Variants in SLC10A7 observed in about 807,000 individuals in gnomAD.
The protein encoded by SLC10A7 is solute carrier family 10 member 7.
In SLC10A7, 29 loss-of-function variants were observed where a neutral mutation model predicts 43.2. That is an observed-to-expected ratio of 0.67 (90% CI 0.50 to 0.92). The LOEUF (loss-of-function observed/expected upper bound fraction) is 0.92. Among genes scored for constraint, SLC10A7 ranks in the 40% least tolerant of loss-of-function variants. The pLI, the probability that SLC10A7 is intolerant of heterozygous loss-of-function variation, is 0.00. For synonymous variants in SLC10A7, 152 were observed against 144.8 expected (o/e 1.05, Z -0.35); for missense variants, 295 against 403.2 (o/e 0.73, Z 2.30).
intron 5 of SLC10A7, among the ~76,000 whole-genome samples, chr4:146,356,940 A>G (rs1735694950): frequency 6.6e-6 from 1 of 152,216 alleles, no homozygotes; most frequent in Non-Finnish European, 1.5e-5. Context: ...CTTTATTGAA[A>G]GTTTCCAAGG....
At chr4:146,518,663 G>A (rs985025109) in intron 1 of SLC10A7, among the ~76,000 whole-genome samples, 2 of 151,988 alleles carry the variant, frequency 1.3e-5, no homozygotes, top group Non-Finnish European at 2.9e-5. Flanking sequence ...TGGATTAGGA[G>A]GGACATTAAT....
At chr4:146,316,959 A>G (rs1180254542) in intron 6 of SLC10A7, among the ~76,000 whole-genome samples, 1 of 152,068 alleles carries the variant, frequency 6.6e-6, no homozygotes, top group Non-Finnish European at 1.5e-5. Flanking sequence ...AACTCATTTC[A>G]TCTTATCATA....
intron 4 of SLC10A7, among the ~76,000 whole-genome samples, chr4:146,461,823 C>CTTTT (rs10695588): frequency 7.3e-6 from 1 of 136,352 alleles, no homozygotes; most frequent in African/African-American, 2.7e-5. Flanking sequence ...AGTGACCAGG[C>CTTTT]TTTTTTTTTT....
At chr4:146,258,965 T>C (rs1728050878) in intron 10 of SLC10A7, 128 bp from the exon 11 acceptor site, 1 of 1,059,520 alleles carries the variant, frequency 9.4e-7, no homozygotes, top group East Asian at 2.8e-5. Flanking sequence ...TTCACAGAAC[T>C]GAAATGGGAA....
intron 5 of SLC10A7, among the ~76,000 whole-genome samples, chr4:146,379,963 G>C (rs200269343): frequency 2.2e-4 from 30 of 137,614 alleles, no homozygotes; most frequent in South Asian, 1.2e-3. Context: ...CTCTCTCTGT[G>C]TGTGTGTGTG....
At chr4:146,273,486 A>G (rs147816235) in intron 10 of SLC10A7, among the ~76,000 whole-genome samples, 1 of 152,270 alleles carries the variant, frequency 6.6e-6, no homozygotes, top group East Asian at 1.9e-4. Flanking sequence ...CATCTGACTC[A>G]AATGAGGTTA....
intron 4 of SLC10A7, among the ~76,000 whole-genome samples, chr4:146,478,882 T>C (rs1002893942): frequency 7.9e-5 from 12 of 152,052 alleles, no homozygotes; most frequent in Non-Finnish European, 1.0e-4. Flanking sequence ...ATATTCATAG[T>C]CACAATATCA....
chr4:146,414,403 G>A (rs141789829), intron 5 of SLC10A7, among the ~76,000 whole-genome samples: 4 of 152,050 alleles, frequency 2.6e-5, no homozygotes, highest in African/African-American at 9.7e-5. Flanking sequence ...TCCACCAGGG[G>A]CTAACATGAA....
intron 7 of SLC10A7, among the ~76,000 whole-genome samples, chr4:146,297,994 A>T (rs989912890): frequency 6.6e-6 from 1 of 152,184 alleles, no homozygotes; most frequent in Admixed American, 6.5e-5. Context: ...AATGTTGAAA[A>T]GCTAGGGAGG....
At chr4:146,274,393 A>G (rs960869457) in intron 10 of SLC10A7, among the ~76,000 whole-genome samples, 1 of 151,780 alleles carries the variant, frequency 6.6e-6, no homozygotes, top group African/African-American at 2.4e-5. Flanking sequence ...TAGTAGAGAC[A>G]GGGTTTCACC....
At chr4:146,304,759 A>G (rs928245588) in intron 7 of SLC10A7, among the ~76,000 whole-genome samples, 23 of 152,240 alleles carry the variant, frequency 1.5e-4, no homozygotes, top group African/African-American at 5.3e-4. Context: ...GTAGATGTCT[A>G]TGAGGTCCTC....
At chr4:146,391,853 C>A (rs1372420186) in intron 5 of SLC10A7, among the ~76,000 whole-genome samples, 6 of 152,202 alleles carry the variant, frequency 3.9e-5, no homozygotes, top group African/African-American at 7.2e-5. Context: ...AAATTATATT[C>A]ATACACATTA....
At chr4:146,411,993 T>C (rs989619660) in intron 5 of SLC10A7, among the ~76,000 whole-genome samples, 3 of 152,192 alleles carry the variant, frequency 2.0e-5, no homozygotes, top group Non-Finnish European at 2.9e-5. Flanking sequence ...TGAAACTTCA[T>C]ATGTGCAGAA....
chr4:146,458,752 C>A (rs1333051500), intron 4 of SLC10A7, among the ~76,000 whole-genome samples: 1 of 151,800 alleles, frequency 6.6e-6, no homozygotes, highest in Non-Finnish European at 1.5e-5. Context: ...GAGCTTCTAA[C>A]CACTTTTGAT....
intron 4 of SLC10A7, among the ~76,000 whole-genome samples, chr4:146,483,483 AT>A (rs1235919242): frequency 2.6e-5 from 4 of 152,122 alleles, no homozygotes; most frequent in African/African-American, 9.7e-5. Context: ...TATACAAACA[AT>A]AAAGTGAAAG....
At chr4:146,467,990 A>G (rs1733204363) in intron 4 of SLC10A7, among the ~76,000 whole-genome samples, 1 of 152,192 alleles carries the variant, frequency 6.6e-6, no homozygotes, top group Admixed American at 6.5e-5. Context: ...GTGGGAGAAG[A>G]GAGATATTAC....
At chr4:146,465,456 A>T (rs1732936584) in intron 4 of SLC10A7, among the ~76,000 whole-genome samples, 1 of 152,166 alleles carries the variant, frequency 6.6e-6, no homozygotes, top group Non-Finnish European at 1.5e-5. Flanking sequence ...GATAATTTGC[A>T]CACTTTATTC....
intron 5 of SLC10A7, among the ~76,000 whole-genome samples, chr4:146,357,579 C>T (rs1197737547): frequency 6.6e-6 from 1 of 152,146 alleles, no homozygotes; most frequent in East Asian, 1.9e-4. Context: ...ACCATAAGTC[C>T]GTTATCTACT....
chr4:146,267,751 C>G lies in SLC10A7; in HGVS notation c.848-8914G>C, dbSNP rs142166090. ...GAATCATATCCAAAATGAGGTGTGG[C>G]TAAATGATACATGCAAATTGGAGCT... On this transcript the variant is annotated intron_variant, in intron 10 of 11. Coordinates refer to ENST00000335472, the MANE Select transcript of SLC10A7 (RefSeq NM_001029998.6). Among the ~76,000 whole-genome samples the G allele has an allele frequency of 8.0e-3, 1,216 of 152,192 alleles. 15 individuals are homozygous for G. The highest frequency in any genetic ancestry group is 0.027 in the African/African-American group (1,102 of 41,526).
Sources: allele counts gnomAD v4.1 joint callset (sites outside exome capture counted in the v4.1 genomes callset), GRCh38; gene constraint gnomAD v4.1.1; transcripts MANE v1.5; gene names NCBI Gene and HGNC (gene_info 2026-07-23, HGNC 2026-07-21).